Variants in ZNF727 observed in about 807,000 individuals in gnomAD.
ZNF727 encodes putative zinc finger protein 727.
A neutral mutation model predicts 11.5 loss-of-function variants in ZNF727; 11 were observed. The ratio of observed to expected loss-of-function variants is 0.95; its 90% CI spans 0.60 to 1.58. The LOEUF is 1.58. ZNF727 is among the 40% of genes most tolerant of loss of function. ZNF727 has a pLI of 0.00. For synonymous variants in ZNF727, 171 were observed against 196.1 expected (o/e 0.87, Z 1.07); for missense variants, 533 against 581.7 (o/e 0.92, Z 0.86).
rs1012043764 is a variant in ZNF727, at chr7:64,078,029, T to C, written c.980T>C (p.Leu327Pro). ...CGKAFMWISA[L>P]SQHNRIHTGE... Reference sequence around the variant, plus strand: ...AAAGCTTTTATGTGGATCTCGGCCCTTAGTCAACATAACAGAATTCATACT... The same window carrying C: ...AAAGCTTTTATGTGGATCTCGGCCCCTAGTCAACATAACAGAATTCATACT... Residue 327 changes from leucine (L) to proline (P), a missense_variant, in exon 4 of 4, where the codon CTT becomes CCT. Leu to Pro is a moderately conservative substitution (Grantham distance 98, BLOSUM62 -3). Transcript: ENST00000456806. 1 of 1,608,108 alleles carries C rather than the reference T, an allele frequency of 6.2e-7. No homozygotes were observed. The highest frequency in any genetic ancestry group is 8.5e-7 in the Non-Finnish European group (1 of 1,177,254).
chr7:64,084,030 G>A lies in ZNF727; in HGVS notation c.*5481G>A, dbSNP rs150388686. ...TTTATGTGAAAGAACATGGTCAATG[G>A]TTGCTGCACCAGAGTTAGGAGAAGT... On this transcript the variant is annotated 3_prime_UTR_variant, in exon 4 of 4. Transcript: ENST00000456806. Among the ~76,000 whole-genome samples, 29 of 152,246 alleles carry A rather than the reference G, an allele frequency of 1.9e-4. No individual in the cohort carries two copies. The East Asian group carries it at 5.0e-3, about 26-fold the overall frequency.
At chr7:64,056,483 T>G (rs1174603032) in intron 1 of ZNF727, among the ~76,000 whole-genome samples, 1 of 152,186 alleles carries the variant, frequency 6.6e-6, no homozygotes. Context: ...AAGTCAACTT[T>G]TATAAGTTAC....
rs1336272727 is a variant in ZNF727 at position 64,082,486 on chromosome 7, C to G, written c.*3937C>G. Among the ~76,000 whole-genome samples the G allele has an allele frequency of 3.3e-5, 5 of 152,192 alleles. No homozygotes were observed. The highest frequency in any genetic ancestry group is 3.3e-4 in the Admixed American group (5 of 15,286). On this transcript the variant is annotated 3_prime_UTR_variant, in exon 4 of 4. Transcript: ENST00000456806. The stretch of plus-strand genomic sequence containing the variant: ...GAGCTCCATCTAAGGGAGGTATAGA[C>G]CGGTTTCCAGCCCCAAAGCAACTGT...
rs1385591427 is a variant in ZNF727 at position 64,081,562 on chromosome 7, G to C, written c.*3013G>C. Reference sequence around the variant, plus strand: ...GTGAGCTGGTGCAGTCACAGGGGCTGCCTTGCCGGAGCTCTTCATGGGTCA... The same window carrying C: ...GTGAGCTGGTGCAGTCACAGGGGCTCCCTTGCCGGAGCTCTTCATGGGTCA... On this transcript the variant is annotated 3_prime_UTR_variant, in exon 4 of 4. Transcript: ENST00000456806. Among the ~76,000 whole-genome samples, 1 of 152,114 alleles carries C rather than the reference G, an allele frequency of 6.6e-6. No individual in the cohort carries two copies. Among genetic ancestry groups the C allele is most frequent in the Admixed American group, 6.5e-5 (1 of 15,272 alleles).
intron 1 of ZNF727, among the ~76,000 whole-genome samples, chr7:64,057,445 C>CT (rs1296912244): frequency 1.3e-5 from 2 of 152,118 alleles, no homozygotes; most frequent in African/African-American, 4.8e-5. Flanking sequence ...TCTCAGCAAA[C>CT]TAACACAGGA....
In ZNF727 at chr7:64,073,129, A is replaced by AT. The variant is rs749142565; in HGVS notation, c.226+3529dup. Among the ~76,000 whole-genome samples the AT allele has an allele frequency of 8.7e-4, 130 of 149,762 alleles. 1 individual carries two copies. The East Asian group carries it at 0.015, about 17-fold the overall frequency. On this transcript the variant is annotated intron_variant, in intron 3 of 3. Coordinates refer to ENST00000456806, the MANE Select transcript of ZNF727 (RefSeq NM_001159522.3). ...AGATTAAGTATCCTTGATTGGTAGCATTTTTTTTTCATCACCTTGAAATTT... is the reference window on the plus strand; with the variant it reads ...AGATTAAGTATCCTTGATTGGTAGCATTTTTTTTTTCATCACCTTGAAATTT...
rs893623 is a variant in ZNF727, at chr7:64,081,030, G to T, written c.*2481G>T. 1.3e-5 allele frequency among the ~76,000 whole-genome samples: 2 copies of T among 151,568 alleles called. No individual in the cohort carries two copies. Among genetic ancestry groups the T allele is most frequent in the African/African-American group, 4.9e-5 (2 of 41,206 alleles). On this transcript the variant is annotated 3_prime_UTR_variant, in exon 4 of 4. Transcript: ENST00000456806. ...TTGTATTGAGCCCCAACTGTGTTCTGTGGCTCCTTGTGATTTGGAGTCTGC... is the reference window on the plus strand; with the variant it reads ...TTGTATTGAGCCCCAACTGTGTTCTTTGGCTCCTTGTGATTTGGAGTCTGC...
chr7:64,077,876 G>T lies in ZNF727; in HGVS notation c.827G>T (p.Arg276Ile), dbSNP rs76847818. 14 of 1,575,598 alleles carry T rather than the reference G, an allele frequency of 8.9e-6. No homozygotes were observed. Among genetic ancestry groups the T allele is most frequent in the Middle Eastern group, 3.3e-4 (2 of 6,018 alleles). The change falls in exon 4 of 4, where the codon AGA (arginine) becomes ATA (isoleucine). Residue 276 changes from arginine (R) to isoleucine (I), a missense_variant. Arg to Ile is a moderately conservative substitution (Grantham distance 97). Around this residue, in one of 3 missense-constraint regions of ZNF727, gnomAD observed 463 missense variants for 494.5 expected, o/e 0.94. Transcript: ENST00000456806. ...RCCSDLTKHK[R>I]IHTGEKPYKC... The stretch of plus-strand genomic sequence containing the variant: ...TGCTCAGACCTTACTAAACATAAGA[G>T]AATTCATACTGGAGAGAAACCCTAC...
Position 64,069,071 on chromosome 7 carries a change from T to A in ZNF727, c.130+54T>A, listed in dbSNP as rs1789917446. 2.8e-6 allele frequency: 4 copies of A among 1,444,900 alleles called. No individual in the cohort carries two copies. The Admixed American group carries it at 8.9e-5, about 32-fold the overall frequency. The allele number at this position is 1,444,900 out of a possible 1,614,324, so 89.5% of individuals were successfully genotyped here. The stretch of plus-strand genomic sequence containing the variant: ...ATTCTACATTAAATATTTTATTTCC[T>A]CTTTTTTTTTTTGAAGTTCTGCTTT... On this transcript the variant is annotated intron_variant, in intron 2 of 3. Coordinates refer to ENST00000456806, the MANE Select transcript of ZNF727 (RefSeq NM_001159522.3).
At chr7:64,057,720 T>A (rs1341761829) in intron 1 of ZNF727, among the ~76,000 whole-genome samples, 1 of 151,472 alleles carries the variant, frequency 6.6e-6, no homozygotes, top group Non-Finnish European at 1.5e-5. Context: ...GTTGATTTTT[T>A]TAAAAAAGTA....
intron 1 of ZNF727, among the ~76,000 whole-genome samples, chr7:64,049,546 G>A (rs1379376851): frequency 6.6e-6 from 1 of 151,850 alleles, no homozygotes; most frequent in Non-Finnish European, 1.5e-5. Flanking sequence ...TATAGTGAAA[G>A]CCTGAGAAGT....
intron 1 of ZNF727, among the ~76,000 whole-genome samples, chr7:64,067,612 T>C (rs1201154405): frequency 6.6e-6 from 1 of 152,110 alleles, no homozygotes; most frequent in Non-Finnish European, 1.5e-5. Flanking sequence ...CTGGAAACCA[T>C]CATTCTCAGC....
intron 3 of ZNF727, among the ~76,000 whole-genome samples, chr7:64,076,436 C>T (rs1246436423): frequency 6.6e-6 from 1 of 152,072 alleles, no homozygotes; most frequent in East Asian, 1.9e-4. Flanking sequence ...CACGGTGAAA[C>T]CCCATCTCTA....
At position 64,085,125 on chromosome 7, in the gene ZNF727, G is replaced by C. The variant is rs1785853288; in HGVS notation, c.*6576G>C. ...AAACATTATTTGTACTATCCCCTCA[G>C]AGATTATGAAAGTGACTGATAAAAT... On this transcript the variant is annotated 3_prime_UTR_variant, in exon 4 of 4. Coordinates refer to ENST00000456806, the MANE Select transcript of ZNF727 (RefSeq NM_001159522.3). 6.6e-6 allele frequency among the ~76,000 whole-genome samples: 1 copy of C among 152,030 alleles called. No homozygotes were observed. Among genetic ancestry groups the C allele is most frequent in the Non-Finnish European group, 1.5e-5 (1 of 67,996 alleles).
chr7:64,049,246 T>C (rs1337435623), intron 1 of ZNF727, among the ~76,000 whole-genome samples: 6 of 152,094 alleles, frequency 3.9e-5, no homozygotes, highest in African/African-American at 1.4e-4. Flanking sequence ...TATAACCCCT[T>C]AAAATTTTCT....
chr7:64,068,585 G>C lies in ZNF727; in HGVS notation c.4-306G>C, dbSNP rs185337703. 4.6e-5 allele frequency among the ~76,000 whole-genome samples: 7 copies of C among 152,232 alleles called. No homozygotes were observed. In the East Asian group the frequency reaches 1.4e-3, roughly 29 times the overall value. The stretch of plus-strand genomic sequence containing the variant: ...TCACCATGAAGTTTCCATGTGGGAA[G>C]TATAGACAGCTCATCTTGTATTATG... On this transcript the variant is annotated intron_variant, in intron 1 of 3. Transcript: ENST00000456806.
In ZNF727 at chr7:64,078,206, A is replaced by G. The variant is rs778254750; in HGVS notation, c.1157A>G (p.His386Arg). ...AAGTGGTTCTCAGACCTGACTAATC[A>G]TAAGAGAATTCACACTGGAGAGAAA... ...TFKWFSDLTN[H>R]KRIHTGEKPY... Residue 386 changes from histidine to arginine, a missense_variant, in exon 4 of 4, where the codon CAT becomes CGT. By Grantham distance (29) the His-to-Arg change is conservative. Transcript: ENST00000456806. 8.1e-6 allele frequency: 13 copies of G among 1,604,074 alleles called. No individual in the cohort carries two copies. The highest frequency in any genetic ancestry group is 6.8e-5 in the East Asian group (3 of 44,168).
At position 64,083,895 on chromosome 7, in the gene ZNF727, G is replaced by A. The variant is rs1480854930; in HGVS notation, c.*5346G>A. 6.6e-6 allele frequency among the ~76,000 whole-genome samples: 1 copy of A among 151,862 alleles called. No homozygotes were observed. The highest frequency in any genetic ancestry group is 6.6e-5 in the Admixed American group (1 of 15,252). On this transcript the variant is annotated 3_prime_UTR_variant, in exon 4 of 4. Coordinates refer to ENST00000456806, the MANE Select transcript of ZNF727 (RefSeq NM_001159522.3). Reference sequence around the variant, plus strand: ...ACACCTTGCATTCTTCTCTGTGAGAGCTACACAGTCTAGCTCCTTCTACTT... The same window carrying A: ...ACACCTTGCATTCTTCTCTGTGAGAACTACACAGTCTAGCTCCTTCTACTT...
At position 64,077,761 on chromosome 7, in the gene ZNF727, A is replaced by G; in HGVS notation, c.712A>G (p.Thr238Ala). 1.9e-6 allele frequency: 3 copies of G among 1,581,626 alleles called. No individual in the cohort carries two copies. Among genetic ancestry groups the G allele is most frequent in the Non-Finnish European group, 2.6e-6 (3 of 1,163,346 alleles). ...ATGTGAAGAATGTGGCAAAACATTT[A>G]CCTGTTCCTCAGCCCTTACTAAACA... ...YKCEECGKTFTCSSALTKHKR... is the reference protein window; with the variant it reads ...YKCEECGKTFACSSALTKHKR... Residue 238 changes from threonine to alanine, a missense_variant, in exon 4 of 4, where the codon ACC becomes GCC. Thr to Ala is a moderately conservative substitution (Grantham distance 58, BLOSUM62 0). This residue lies in a region of ZNF727 where 463 missense variants were observed against 494.5 expected (regional missense o/e 0.94). Transcript: ENST00000456806.
Sources: allele counts gnomAD v4.1 joint callset (sites outside exome capture counted in the v4.1 genomes callset), GRCh38; gene constraint gnomAD v4.1.1; regional missense constraint gnomAD v4.1.1; transcripts MANE v1.5; gene names NCBI Gene and HGNC (gene_info 2026-07-23, HGNC 2026-07-21).